The following TMEM163 variants were observed in gnomAD, a reference collection of about 807,000 sequenced individuals.
TMEM163 encodes the protein transmembrane protein 163.
Under a neutral mutation model 29.3 loss-of-function variants are expected in TMEM163, and 17 were observed. That is an observed-to-expected ratio of 0.58 (90% CI 0.40 to 0.87). The LOEUF is 0.87. Ranked by LOEUF, TMEM163 falls within the 40% of genes least tolerant of loss-of-function variation. TMEM163 has a pLI of 0.00. For synonymous variants in TMEM163, 157 were observed against 160.6 expected (o/e 0.98, Z 0.17); for missense variants, 303 against 381.5 (o/e 0.79, Z 1.71).
intron 4 of TMEM163, among the ~76,000 whole-genome samples, chr2:134,510,134 C>T (rs968265836): frequency 8.6e-5 from 13 of 152,040 alleles, no homozygotes; most frequent in African/African-American, 2.9e-4. Flanking sequence ...AGACGGCATA[C>T]AGACCAAAAC....
At chr2:134,529,445 T>C (rs1379100189) in intron 4 of TMEM163, among the ~76,000 whole-genome samples, 1 of 152,150 alleles carries the variant, frequency 6.6e-6, no homozygotes, top group African/African-American at 2.4e-5. Context: ...TGACTCTTCA[T>C]ACATTAAATT....
intron 2 of TMEM163, among the ~76,000 whole-genome samples, chr2:134,703,346 G>A (rs1353304412): frequency 1.3e-5 from 2 of 152,156 alleles, no homozygotes; most frequent in Non-Finnish European, 2.9e-5. Flanking sequence ...AATTACCTCT[G>A]CATCTGAAAA....
At chr2:134,491,499 G>A (rs376616214) in intron 5 of TMEM163, among the ~76,000 whole-genome samples, 8 of 152,066 alleles carry the variant, frequency 5.3e-5, no homozygotes, top group Admixed American at 2.0e-4. Flanking sequence ...GCTTTTCATG[G>A]AGGCTTTCAG....
chr2:134,650,508 T>TTTTTG (rs1553489299), intron 2 of TMEM163, among the ~76,000 whole-genome samples: 33 of 135,378 alleles, frequency 2.4e-4, no homozygotes, highest in African/African-American at 9.4e-4. Context: ...TATTTCTTTT[T>TTTTTG]TTTGTTTGTT....
intron 2 of TMEM163, among the ~76,000 whole-genome samples, chr2:134,665,812 C>T (rs1293722843): frequency 6.6e-6 from 1 of 152,150 alleles, no homozygotes; most frequent in African/African-American, 2.4e-5. Context: ...GGTATAACAC[C>T]ACCAGCCTCA....
At chr2:134,642,504 G>A (rs145798286) in intron 2 of TMEM163, among the ~76,000 whole-genome samples, 78 of 152,154 alleles carry the variant, frequency 5.1e-4, no homozygotes, top group African/African-American at 1.8e-3. Context: ...GAAAATCAGC[G>A]AAGATGTAGA....
chr2:134,577,711 C>T (rs1681591639), intron 2 of TMEM163, among the ~76,000 whole-genome samples: 1 of 151,998 alleles, frequency 6.6e-6, no homozygotes, highest in Admixed American at 6.6e-5. Flanking sequence ...CCCTCCCCAC[C>T]CACCCTTGGG....
At chr2:134,562,320 G>C (rs1681200495) in intron 2 of TMEM163, among the ~76,000 whole-genome samples, 1 of 152,244 alleles carries the variant, frequency 6.6e-6, no homozygotes, top group Non-Finnish European at 1.5e-5. Flanking sequence ...CAAGTGCATT[G>C]TCAGTGCTCA....
intron 4 of TMEM163, among the ~76,000 whole-genome samples, chr2:134,503,515 G>A (rs1387246730): frequency 6.6e-6 from 1 of 152,164 alleles, no homozygotes; most frequent in Non-Finnish European, 1.5e-5. Context: ...ACATAAAATG[G>A]GAAGCCATTA....
chr2:134,509,108 A>G (rs187295485), intron 4 of TMEM163, among the ~76,000 whole-genome samples: 1 of 152,352 alleles, frequency 6.6e-6, no homozygotes, highest in Admixed American at 6.5e-5. Context: ...TTAAATGATT[A>G]GTCTCTAGAG....
At position 134,552,688 on chromosome 2, in the gene TMEM163, G is replaced by A. The variant is rs57897244; in HGVS notation, c.323-597C>T. Among the ~76,000 whole-genome samples the A allele has an allele frequency of 6.2e-5, 8 of 129,274 alleles. No homozygotes were observed. In the East Asian group the frequency reaches 1.6e-3, roughly 26 times the overall value. The allele number at this position is 129,274 out of a possible 152,430, so 84.8% of individuals were successfully genotyped here. A position where few individuals can be genotyped will look rare whatever the true frequency, so the allele number is the denominator to read the frequency against. ...TTTTTTTTTTTTTTTTTGAGACAGA[G>A]TCTTGCTGTGTCACTCAGGCTGGAG... On this transcript the variant is annotated intron_variant, in intron 2 of 7. Coordinates refer to ENST00000281924, the MANE Select transcript of TMEM163 (RefSeq NM_030923.5).
At chr2:134,517,351 G>C (rs1182343221) in intron 4 of TMEM163, among the ~76,000 whole-genome samples, 2 of 152,188 alleles carry the variant, frequency 1.3e-5, no homozygotes, top group African/African-American at 4.8e-5. Context: ...AAGGCTGATG[G>C]GGAGATGGGG....
chr2:134,527,707 C>A (rs1299332691), intron 4 of TMEM163, among the ~76,000 whole-genome samples: 1 of 152,198 alleles, frequency 6.6e-6, no homozygotes, highest in Non-Finnish European at 1.5e-5. Context: ...ACCACAAACA[C>A]GGGCTGGGAA....
chr2:134,458,612 G>A (rs1026452984), intron 6 of TMEM163: 1 of 176,070 alleles, frequency 5.7e-6, no homozygotes, highest in East Asian at 1.4e-4. Context: ...TTCAGGACGT[G>A]TGGTTACCTA....
intron 2 of TMEM163, among the ~76,000 whole-genome samples, chr2:134,628,726 G>T (rs2104830349): frequency 6.6e-6 from 1 of 152,334 alleles, no homozygotes; most frequent in Admixed American, 6.5e-5. Context: ...GGTTTCTCTT[G>T]ACCTCACCCC....
chr2:134,713,961 A>G (rs1261514044), intron 1 of TMEM163, among the ~76,000 whole-genome samples: 2 of 152,204 alleles, frequency 1.3e-5, no homozygotes, highest in African/African-American at 4.8e-5. Context: ...TAGCAAGCAC[A>G]TGTCAAAAAA....
chr2:134,663,075 C>G (rs1574321124), intron 2 of TMEM163, among the ~76,000 whole-genome samples: 1 of 152,322 alleles, frequency 6.6e-6, no homozygotes, highest in African/African-American at 2.4e-5. Context: ...GTGATCAACC[C>G]TCTATCATAG....
intron 2 of TMEM163, among the ~76,000 whole-genome samples, chr2:134,610,389 C>T (rs1482380923): frequency 1.3e-5 from 2 of 152,184 alleles, no homozygotes; most frequent in Admixed American, 1.3e-4. Flanking sequence ...CAAATCTCAG[C>T]GTGATCCGAG....
chr2:134,482,085 T>C (rs1574165047), intron 5 of TMEM163, among the ~76,000 whole-genome samples: 1 of 152,238 alleles, frequency 6.6e-6, no homozygotes, highest in African/African-American at 2.4e-5. Context: ...TGTTTCTAGC[T>C]GGTCATCAGC....
Sources: gnomAD v4.1 joint callset for allele counts (sites outside exome capture counted in the v4.1 genomes callset) on GRCh38, gnomAD v4.1.1 for gene constraint, MANE v1.5 for transcripts, NCBI Gene and HGNC (gene_info 2026-07-23, HGNC 2026-07-21) for gene names.